SLC44A3: variants seen among roughly 807,000 people sequenced by gnomAD.
The protein encoded by SLC44A3 is choline transporter-like protein 3.
Under a neutral mutation model 75.4 loss-of-function variants are expected in SLC44A3, and 74 were observed. The ratio of observed to expected loss-of-function variants is 0.98; its 90% CI spans 0.81 to 1.19. SLC44A3 has a LOEUF of 1.19. SLC44A3 is among the 50% of genes most tolerant of loss of function. The pLI, the probability that SLC44A3 is intolerant of heterozygous loss-of-function variation, is 0.00. For missense variants in SLC44A3, 700 were observed against 778.6 expected (o/e 0.90, Z 1.20); for synonymous variants, 310 against 296.9 (o/e 1.04, Z -0.45).
chr1:94,820,445 G>A lies in SLC44A3; in HGVS notation c.-7G>A. The A allele has an allele frequency of 2.1e-6, 3 of 1,461,088 alleles. No individual in the cohort carries two copies. The highest frequency in any genetic ancestry group is 2.7e-6 in the Non-Finnish European group (3 of 1,109,752). 90.5% of individuals were successfully genotyped at this position (1,461,088 alleles called of 1,614,324 possible). A position where few individuals can be genotyped will look rare whatever the true frequency, so the allele number is the denominator to read the frequency against. ...CCCAGTCACCGGCCCCCGCCGGCGA[G>A]CGCACGATGCACTGCCTGGGCGCCG... is the stretch of plus-strand genomic sequence containing the variant. On this transcript the variant is annotated 5_prime_UTR_variant, in exon 1 of 15. Coordinates refer to ENST00000271227, the MANE Select transcript of SLC44A3 (RefSeq NM_001114106.3).
At chr1:94,879,276 G>A (rs1313694795) in intron 12 of SLC44A3, among the ~76,000 whole-genome samples, 5 of 151,742 alleles carry the variant, frequency 3.3e-5, no homozygotes, top group Non-Finnish European at 7.4e-5. Context: ...GCTCACACCT[G>A]TAATCCCAGC....
chr1:94,826,159 A>G (rs1029433101), intron 3 of SLC44A3, among the ~76,000 whole-genome samples: 4 of 152,224 alleles, frequency 2.6e-5, no homozygotes, highest in Non-Finnish European at 4.4e-5. Flanking sequence ...GTATGATTCC[A>G]CTTACATGAG....
chr1:94,847,624 A>G (rs1297670931), intron 9 of SLC44A3, among the ~76,000 whole-genome samples: 9 of 152,226 alleles, frequency 5.9e-5, no homozygotes. Flanking sequence ...AGCCCTGGTC[A>G]GAAGGGAGGG....
Position 94,822,034 on chromosome 1 carries a change from AATACCTT to A in SLC44A3, c.135+979_135+985del, listed in dbSNP as rs1199538992. 5.3e-5 allele frequency among the ~76,000 whole-genome samples: 8 copies of A among 152,340 alleles called. No homozygotes were observed. The East Asian group carries it at 1.3e-3, about 26-fold the overall frequency. ...GAGCTGGGAGAGACAGTGCACCTAC[AATACCTT>A]CTGCTTAACTTCGCAGATGGTTGGT... On this transcript the variant is annotated intron_variant, in intron 2 of 14. Transcript: ENST00000271227.
rs142384992 is a variant in SLC44A3, at chr1:94,822,817, T to C, written c.136-1676T>C. Reference sequence around the variant, plus strand: ...TGACAGTGACTACCTTGGTGGCCAATGTACTAGACCAATGTACACACCTCC... The same window carrying C: ...TGACAGTGACTACCTTGGTGGCCAACGTACTAGACCAATGTACACACCTCC... On this transcript the variant is annotated intron_variant, in intron 2 of 14. Transcript: ENST00000271227. Among the ~76,000 whole-genome samples, 90 of 152,292 alleles carry C rather than the reference T, an allele frequency of 5.9e-4. 6 individuals carry two copies. The highest frequency in any genetic ancestry group is 1.6e-3 in the African/African-American group (65 of 41,552).
At chr1:94,841,875 C>A in intron 7 of SLC44A3, 125 bp from the exon 8 acceptor site, 1 of 1,296,672 alleles carries the variant, frequency 7.7e-7, no homozygotes, top group Non-Finnish European at 1.0e-6. Context: ...GTATTTGGGA[C>A]CCACTGCCAG....
At chr1:94,880,903 C>CAA (rs10700127) in intron 12 of SLC44A3, among the ~76,000 whole-genome samples, 14,697 of 140,708 alleles carry the variant, frequency 0.1, 929 homozygotes, top group East Asian at 0.22. Context: ...TTTTTAATGA[C>CAA]AAAAAAAAAA....
intron 12 of SLC44A3, among the ~76,000 whole-genome samples, chr1:94,876,908 A>G (rs903036212): frequency 1.3e-5 from 2 of 152,176 alleles, no homozygotes; most frequent in Non-Finnish European, 2.9e-5. Flanking sequence ...CCCTTGAGAC[A>G]TCATCCTCCC....
At chr1:94,836,220 G>A (rs2101014870) in intron 5 of SLC44A3, among the ~76,000 whole-genome samples, 1 of 152,246 alleles carries the variant, frequency 6.6e-6, no homozygotes, top group South Asian at 2.1e-4. Context: ...CACTTCTTTG[G>A]TTGGGATTAT....
chr1:94,839,900 CT>C, intron 6 of SLC44A3, 47 bp from the exon 7 acceptor site: 1 of 1,374,670 alleles, frequency 7.3e-7, no homozygotes, highest in Non-Finnish European at 1.0e-6. Context: ...ATCATCTCCC[CT>C]ATCCTTTGTT....
chr1:94,823,431 A>G (rs1660887940), intron 2 of SLC44A3, among the ~76,000 whole-genome samples: 1 of 152,196 alleles, frequency 6.6e-6, no homozygotes, highest in African/African-American at 2.4e-5. Flanking sequence ...AGAGTGGGAA[A>G]GGACAGGGAG....
In SLC44A3 at chr1:94,867,309, C is replaced by T. The variant is rs189506111; in HGVS notation, c.1396-22C>T. 2.7e-4 allele frequency: 417 copies of T among 1,534,672 alleles called. 3 individuals carry two copies. In the African/African-American group the frequency reaches 4.8e-3, roughly 18 times the overall value. ...TCCTGTGTTGTTTTTGACTCTGTTC[C>T]TTTGTTCTCAACCTGATCCAGCAGC... On this transcript the variant is annotated intron_variant, in intron 11 of 14. Coordinates refer to ENST00000271227, the MANE Select transcript of SLC44A3 (RefSeq NM_001114106.3).
chr1:94,841,674 T>C (rs955139296), intron 7 of SLC44A3, among the ~76,000 whole-genome samples: 4 of 152,170 alleles, frequency 2.6e-5, no homozygotes, highest in Admixed American at 2.6e-4. Flanking sequence ...ATTGTCCCTC[T>C]CACCATCCTG....
intron 9 of SLC44A3, among the ~76,000 whole-genome samples, chr1:94,852,297 G>T (rs576621801): frequency 6.6e-6 from 1 of 152,304 alleles, no homozygotes; most frequent in South Asian, 2.1e-4. Flanking sequence ...AAATGCATGA[G>T]GGGGCAGGGT....
At chr1:94,835,783 G>A (rs1021422735) in intron 5 of SLC44A3, among the ~76,000 whole-genome samples, 1 of 152,086 alleles carries the variant, frequency 6.6e-6, no homozygotes, top group Non-Finnish European at 1.5e-5. Context: ...ATTTACATAT[G>A]CTAATAAAAG....
chr1:94,880,058 G>A (rs1350969719), intron 12 of SLC44A3, among the ~76,000 whole-genome samples: 1 of 152,182 alleles, frequency 6.6e-6, no homozygotes, highest in Non-Finnish European at 1.5e-5. Context: ...GGAACTCTGT[G>A]CACTGTTGGT....
At chr1:94,838,106 G>A (rs1472887592) in intron 6 of SLC44A3, among the ~76,000 whole-genome samples, 2 of 152,216 alleles carry the variant, frequency 1.3e-5, no homozygotes, top group Non-Finnish European at 2.9e-5. Context: ...TACTGACTAT[G>A]TTCTAGTGTC....
At chr1:94,860,294 C>T (rs1359937353) in intron 10 of SLC44A3, among the ~76,000 whole-genome samples, 2 of 151,964 alleles carry the variant, frequency 1.3e-5, no homozygotes, top group Non-Finnish European at 2.9e-5. Context: ...TGAACATTTT[C>T]TATTGAAGGA....
intron 14 of SLC44A3, among the ~76,000 whole-genome samples, chr1:94,893,924 A>C (rs1016755865): frequency 7.9e-5 from 12 of 151,854 alleles, no homozygotes; most frequent in African/African-American, 2.9e-4. Context: ...GTGAAACCCT[A>C]TCTCTACTAA....
Sources: allele counts gnomAD v4.1 joint callset (sites outside exome capture counted in the v4.1 genomes callset), GRCh38; gene constraint gnomAD v4.1.1; transcripts MANE v1.5; gene names NCBI Gene and HGNC (gene_info 2026-07-23, HGNC 2026-07-21).